The following VAMP7 variants were observed in gnomAD, a reference collection of about 807,000 sequenced individuals.
VAMP7 encodes vesicle-associated membrane protein 7.
A neutral mutation model predicts 29.6 loss-of-function variants in VAMP7; 14 were observed. The observed-to-expected ratio is 0.47, with a 90% confidence interval of 0.31 to 0.74. The LOEUF (loss-of-function observed/expected upper bound fraction) is 0.74, where lower values mean the gene tolerates loss of function less well. Among genes scored for constraint, VAMP7 ranks in the 30% least tolerant of loss-of-function variants. VAMP7 has a pLI of 0.05. For missense variants in VAMP7, 223 were observed against 262.4 expected (o/e 0.85, Z 1.04); for synonymous variants, 95 against 88.1 (o/e 1.08, Z -0.44).
chrX:155,887,972 A>G (rs931320558), intron 1 of VAMP7, among the ~76,000 whole-genome samples: 2 of 151,816 alleles, frequency 1.3e-5, no homozygotes, highest in African/African-American at 2.4e-5. Flanking sequence ...ACAGAACAGT[A>G]GGATCCACAG....
chrX:155,939,377 A>G (rs2066709944), intron 6 of VAMP7, among the ~76,000 whole-genome samples: 1 of 152,226 alleles, frequency 6.6e-6, no homozygotes, highest in African/African-American at 2.4e-5. Flanking sequence ...CTGGCTTTAA[A>G]AGAGCCTTTC....
chrX:155,914,756 C>T lies in VAMP7; in HGVS notation c.434-5057C>T, dbSNP rs565816740. On this transcript the variant is annotated intron_variant, in intron 5 of 7. Coordinates refer to ENST00000286448, the MANE Select transcript of VAMP7 (RefSeq NM_005638.6). ...AAGCTTTTTGATGTGCTGATGGGTT[C>T]GATTTGCCAGTATTTTATTGAGGAT... 2.0e-3 allele frequency among the ~76,000 whole-genome samples: 308 copies of T among 152,122 alleles called. 1 individual carries two copies. The highest frequency in any genetic ancestry group is 7.0e-3 in the African/African-American group (292 of 41,516).
chrX:155,936,915 A>G (rs1409941838), intron 6 of VAMP7, among the ~76,000 whole-genome samples: 3 of 152,218 alleles, frequency 2.0e-5, no homozygotes, highest in Non-Finnish European at 4.4e-5. Flanking sequence ...CAAGGATGTA[A>G]TAATGTGCAC....
chrX:155,924,171 C>G (rs2066436212), intron 6 of VAMP7, among the ~76,000 whole-genome samples: 2 of 152,078 alleles, frequency 1.3e-5, no homozygotes, highest in Admixed American at 1.3e-4. Context: ...TTAACCATCT[C>G]TATTTGTTTT....
Position 155,895,608 on chromosome X carries a change from T to A in VAMP7, c.147-15T>A. The A allele has an allele frequency of 6.3e-7, 1 of 1,593,606 alleles. No homozygotes were observed. The highest frequency in any genetic ancestry group is 8.6e-7 in the Non-Finnish European group (1 of 1,161,716). ...GCTTATAACCACAGTAAGTTTTATA[T>A]CTTTTATTCTACAGTTATTTGTTTC... is the stretch of plus-strand genomic sequence containing the variant. On this transcript the variant is annotated splice_polypyrimidine_tract_variant and intron_variant, in intron 2 of 7. Transcript: ENST00000286448.
At chrX:155,914,231 A>G (rs1241996001) in intron 5 of VAMP7, among the ~76,000 whole-genome samples, 2 of 152,108 alleles carry the variant, frequency 1.3e-5, no homozygotes, top group Admixed American at 1.3e-4. Context: ...TACTTTGCTG[A>G]AGTTGCTTAT....
chrX:155,885,870 T>C (rs1195871821), intron 1 of VAMP7, among the ~76,000 whole-genome samples: 1 of 152,194 alleles, frequency 6.6e-6, no homozygotes, highest in East Asian at 1.9e-4. Context: ...TTTTGGACTT[T>C]TAACCCTCAG....
chrX:155,942,125 AGTTTATTCCT>A lies in VAMP7; in HGVS notation c.*177_*186del. ...CAGGTTTATCTTTGTCTTATCTACC[AGTTTATTCCT>A]GTGAACTTCAGATTGAACCATTCAT... On this transcript the variant is annotated 3_prime_UTR_variant, in exon 8 of 8. Transcript: ENST00000286448. 1 of 1,552,032 alleles carries A rather than the reference AGTTTATTCCT, an allele frequency of 6.4e-7. No individual in the cohort carries two copies. The highest frequency in any genetic ancestry group is 2.0e-5 in the Admixed American group (1 of 51,014).
intron 1 of VAMP7, among the ~76,000 whole-genome samples, chrX:155,882,617 G>A (rs888215600): frequency 1.3e-5 from 2 of 152,066 alleles, no homozygotes; most frequent in African/African-American, 2.4e-5. Flanking sequence ...TTCCTTCTAA[G>A]ACCCAGAGAG....
chrX:155,898,150 G>C lies in VAMP7; in HGVS notation c.243G>C (p.Glu81Asp), dbSNP rs144784802. Residue 81 changes from glutamate (E) to aspartate (D), a missense_variant, in exon 4 of 8, where the codon GAG becomes GAC. Coordinates refer to ENST00000286448, the MANE Select transcript of VAMP7 (RefSeq NM_005638.6). ...ERSRAFNFLN[E>D]IKKRFQTTYG... is the part of the protein sequence containing the mutation. ...CCCGAGCCTTTAATTTTCTGAATGAGATAAAGAAGAGGTTCCAGACTACTT... is the reference window on the plus strand; with the variant it reads ...CCCGAGCCTTTAATTTTCTGAATGACATAAAGAAGAGGTTCCAGACTACTT... 76 of 1,613,378 alleles carry C rather than the reference G, an allele frequency of 4.7e-5. No homozygotes were observed. Among genetic ancestry groups the C allele is most frequent in the Middle Eastern group, 1.6e-4 (1 of 6,078 alleles).
Position 155,889,498 on chromosome X carries a change from G to T in VAMP7, c.32G>T (p.Gly11Val). ...ATTCTTTTTGCTGTTGTTGCCAGGGGGACCACTATCCTTGCCAAACATGCT... is the reference window on the plus strand; with the variant it reads ...ATTCTTTTTGCTGTTGTTGCCAGGGTGACCACTATCCTTGCCAAACATGCT... MAILFAVVAR[G>V]TTILAKHAWC... Residue 11 changes from glycine (G) to valine (V), a missense_variant, in exon 2 of 8, where the codon GGG becomes GTG. Transcript: ENST00000286448. 6.2e-7 allele frequency: 1 copy of T among 1,613,654 alleles called. No individual in the cohort carries two copies. Among genetic ancestry groups the T allele is most frequent in the Non-Finnish European group, 8.5e-7 (1 of 1,179,712 alleles).
In VAMP7 at chrX:155,904,906, TTATA is replaced by T. The variant is rs34271430; in HGVS notation, c.433+4333_433+4336del. On this transcript the variant is annotated intron_variant, in intron 5 of 7. Transcript: ENST00000286448. ...TGTGAGCATATATATATATTATATA[TTATA>T]TATATATATATATGTTTTTGGTTCT... Among the ~76,000 whole-genome samples the T allele has an allele frequency of 2.2e-3, 318 of 145,504 alleles. 3 individuals carry two copies. Among genetic ancestry groups the T allele is most frequent in the African/African-American group, 7.5e-3 (302 of 40,012 alleles).
At chrX:155,925,954 G>A (rs1224302572) in intron 6 of VAMP7, among the ~76,000 whole-genome samples, 4 of 152,154 alleles carry the variant, frequency 2.6e-5, no homozygotes, top group Non-Finnish European at 5.9e-5. Flanking sequence ...TAGGTTCATT[G>A]TCAATGAGCA....
intron 2 of VAMP7, among the ~76,000 whole-genome samples, chrX:155,890,875 G>A (rs2065918474): frequency 6.6e-6 from 1 of 152,074 alleles, no homozygotes; most frequent in African/African-American, 2.4e-5. Flanking sequence ...ACAGTTTAAG[G>A]TGTACTCTAA....
chrX:155,901,238 T>A (rs1047485948), intron 5 of VAMP7, among the ~76,000 whole-genome samples: 1 of 152,108 alleles, frequency 6.6e-6, no homozygotes, highest in African/African-American at 2.4e-5. Flanking sequence ...AACGTTTTCG[T>A]GGTTCTTGAT....
At chrX:155,910,551 G>A (rs956655461) in intron 5 of VAMP7, among the ~76,000 whole-genome samples, 1 of 149,430 alleles carries the variant, frequency 6.7e-6, no homozygotes, top group Admixed American at 6.7e-5. Context: ...CATAGTAGCT[G>A]CACTAGTTTA....
Position 155,926,182 on chromosome X carries a change from A to G in VAMP7, c.501+6302A>G, listed in dbSNP as rs760139904. Among the ~76,000 whole-genome samples the G allele has an allele frequency of 2.0e-5, 3 of 152,304 alleles. No individual in the cohort carries two copies. In the South Asian group the frequency reaches 6.2e-4, roughly 32 times the overall value. On this transcript the variant is annotated intron_variant, in intron 6 of 7. Transcript: ENST00000286448. ...AAGTCATCAGCTGCATTGGTCCCTAATAAAAGTCAGCTTATCCTTTGAAGC... is the reference window on the plus strand; with the variant it reads ...AAGTCATCAGCTGCATTGGTCCCTAGTAAAAGTCAGCTTATCCTTTGAAGC...
At chrX:155,930,554 G>GAT (rs1336856221) in intron 6 of VAMP7, among the ~76,000 whole-genome samples, 8 of 151,256 alleles carry the variant, frequency 5.3e-5, no homozygotes, top group Non-Finnish European at 1.5e-5. Flanking sequence ...GGGGGCTGAA[G>GAT]ATGGAGAATT....
At chrX:155,899,499 C>T (rs1035077701) in intron 4 of VAMP7, among the ~76,000 whole-genome samples, 11 of 151,820 alleles carry the variant, frequency 7.2e-5, no homozygotes, top group Non-Finnish European at 1.2e-4. Context: ...TTTCACTTCT[C>T]CTGTGGTTTT....
Sources: gnomAD v4.1 joint callset for allele counts (sites outside exome capture counted in the v4.1 genomes callset) on GRCh38, gnomAD v4.1.1 for gene constraint, MANE v1.5 for transcripts, NCBI Gene and HGNC (gene_info 2026-07-23, HGNC 2026-07-21) for gene names.